IGF2BP3: variants seen among roughly 807,000 people sequenced by gnomAD.
IGF2BP3 encodes the protein insulin like growth factor 2 mRNA binding protein 3.
In IGF2BP3, 9 loss-of-function variants were observed where a neutral mutation model predicts 73.8. The observed-to-expected ratio is 0.12, with a 90% CI of 0.07 to 0.21. IGF2BP3 has a LOEUF of 0.21. Ranked by LOEUF, IGF2BP3 falls within the 10% of genes least tolerant of loss-of-function variation. IGF2BP3 has a pLI of 1.00. For synonymous variants in IGF2BP3, 258 were observed against 256.7 expected, an observed-to-expected ratio of 1.01 and a Z score of -0.05; for missense variants, 542 against 714.0, an observed-to-expected ratio of 0.76 and a Z score of 2.75.
At chr7:23,436,801 G>C (rs1165237866) in intron 2 of IGF2BP3, among the ~76,000 whole-genome samples, 1 of 152,182 alleles carries the variant, frequency 6.6e-6, no homozygotes, top group Non-Finnish European at 1.5e-5. Flanking sequence ...TTTTGCTGCA[G>C]TAACTATAGT....
At chr7:23,401,466 T>C (rs1437039403) in intron 3 of IGF2BP3, among the ~76,000 whole-genome samples, 1 of 152,122 alleles carries the variant, frequency 6.6e-6, no homozygotes, top group East Asian at 1.9e-4. Context: ...AAATTAAGAT[T>C]TGAAAAGTCA....
At chr7:23,362,652 T>C (rs1785261124) in intron 3 of IGF2BP3, 1 of 152,192 alleles carries the variant, frequency 6.6e-6, no homozygotes, top group Non-Finnish European at 1.5e-5. Context: ...TAAACCAAAT[T>C]CAGGTGTCCT....
At chr7:23,320,952 A>G (rs1172692142) in intron 10 of IGF2BP3, among the ~76,000 whole-genome samples, 1 of 57,026 alleles carries the variant, frequency 1.8e-5, no homozygotes, top group Non-Finnish European at 5.8e-5. Flanking sequence ...TGTCTCAAAA[A>G]AAAAAAAAAA....
chr7:23,314,308 G>A (rs1783916273), intron 12 of IGF2BP3, among the ~76,000 whole-genome samples: 1 of 151,562 alleles, frequency 6.6e-6, no homozygotes, highest in Non-Finnish European at 1.5e-5. Flanking sequence ...TCAGCCTCCT[G>A]AGTAGCTGGG....
intron 3 of IGF2BP3, among the ~76,000 whole-genome samples, chr7:23,401,844 A>G (rs1786675801): frequency 6.6e-6 from 1 of 152,062 alleles, no homozygotes; most frequent in African/African-American, 2.4e-5. Context: ...TGAAACCTGT[A>G]AAGCCTGTAA....
At position 23,316,296 on chromosome 7, in the gene IGF2BP3, A is replaced by AT. The variant is rs548906149; in HGVS notation, c.1395+1342dup. On this transcript the variant is annotated intron_variant, in intron 12 of 14. Coordinates refer to ENST00000258729, the MANE Select transcript of IGF2BP3 (RefSeq NM_006547.3). The stretch of plus-strand genomic sequence containing the variant: ...GAGAAAATAGAAGTCAAAGAAAGTG[A>AT]TTTTTTTTGTTTGATTTAAGGGAGA... 3.2e-4 allele frequency among the ~76,000 whole-genome samples: 48 copies of AT among 152,124 alleles called. No homozygotes were observed. The South Asian group carries it at 6.6e-3, about 21-fold the overall frequency.
At chr7:23,466,024 G>GTT (rs71552233) in intron 2 of IGF2BP3, among the ~76,000 whole-genome samples, 12,173 of 142,470 alleles carry the variant, frequency 0.085, 670 homozygotes, top group South Asian at 0.13. Flanking sequence ...GAGAAAAAAG[G>GTT]TTTTTTTTTT....
chr7:23,408,286 C>T (rs1231723530), intron 3 of IGF2BP3, among the ~76,000 whole-genome samples: 2 of 151,854 alleles, frequency 1.3e-5, no homozygotes, highest in Non-Finnish European at 2.9e-5. Flanking sequence ...AAAACTATGC[C>T]CATTTGAATA....
At chr7:23,368,054 C>A (rs1173719665) in intron 3 of IGF2BP3, among the ~76,000 whole-genome samples, 1 of 151,496 alleles carries the variant, frequency 6.6e-6, no homozygotes, top group African/African-American at 2.4e-5. Flanking sequence ...ATAAACAGTA[C>A]AGAAAGAATC....
At chr7:23,431,190 G>C (rs1787666326) in intron 2 of IGF2BP3, 1 of 152,178 alleles carries the variant, frequency 6.6e-6, no homozygotes, top group Non-Finnish European at 1.5e-5. Flanking sequence ...CTGGCTGGTA[G>C]AATCATCTGC....
intron 2 of IGF2BP3, among the ~76,000 whole-genome samples, chr7:23,451,395 C>G (rs1045780556): frequency 6.6e-6 from 1 of 151,940 alleles, no homozygotes; most frequent in African/African-American, 2.4e-5. Context: ...CCAGCCTGGG[C>G]AACAGAGCAA....
At chr7:23,450,070 T>C (rs1788161787) in intron 2 of IGF2BP3, among the ~76,000 whole-genome samples, 3 of 152,226 alleles carry the variant, frequency 2.0e-5, no homozygotes, top group Admixed American at 2.0e-4. Context: ...GTCCTTAGCA[T>C]GAAGCAATGC....
At chr7:23,352,278 A>ATTTTTTTTTT (rs70966011) in intron 5 of IGF2BP3, among the ~76,000 whole-genome samples, 2 of 73,774 alleles carry the variant, frequency 2.7e-5, no homozygotes, top group African/African-American at 5.1e-5. Context: ...TCTCTTTTTC[A>ATTTTTTTTTT]TTTTTTTTTT....
Position 23,312,472 on chromosome 7 carries a change from CAG to C in IGF2BP3, c.1642-14_1642-13del. The C allele has an allele frequency of 1.9e-6, 3 of 1,583,248 alleles. No individual in the cohort carries two copies. Among genetic ancestry groups the C allele is most frequent in the Non-Finnish European group, 2.6e-6 (3 of 1,151,900 alleles). ...TTTCTCTGGGCAACCTAGAAAAGGACAGAGCTTTGAAATTCCACTTGATCAAA... is the reference window on the plus strand; with the variant it reads ...TTTCTCTGGGCAACCTAGAAAAGGACAGCTTTGAAATTCCACTTGATCAAA... On this transcript the variant is annotated splice_polypyrimidine_tract_variant and intron_variant, in intron 14 of 14. Transcript: ENST00000258729.
chr7:23,428,146 C>T (rs927433525), intron 2 of IGF2BP3, among the ~76,000 whole-genome samples: 5 of 150,888 alleles, frequency 3.3e-5, no homozygotes, highest in African/African-American at 9.7e-5. Context: ...ACTGCACTCC[C>T]GCCTTAAGAG....
chr7:23,341,974 T>C, intron 10 of IGF2BP3, 90 bp downstream of exon 10: 1 of 1,344,092 alleles, frequency 7.4e-7, no homozygotes, highest in Non-Finnish European at 9.9e-7. Context: ...GGAGAGCATA[T>C]GTTGGCATCT....
At chr7:23,434,032 T>C (rs1308294895) in intron 2 of IGF2BP3, among the ~76,000 whole-genome samples, 3 of 151,022 alleles carry the variant, frequency 2.0e-5, no homozygotes, top group Non-Finnish European at 4.4e-5. Context: ...GAGACAAGAT[T>C]GTGCCACTGC....
At chr7:23,374,028 G>C (rs933341602) in intron 3 of IGF2BP3, among the ~76,000 whole-genome samples, 2 of 152,186 alleles carry the variant, frequency 1.3e-5, no homozygotes, top group Non-Finnish European at 2.9e-5. Context: ...TGCTGGTATA[G>C]CCTGAGGAAC....
chr7:23,397,283 A>G (rs1786507025), intron 3 of IGF2BP3, among the ~76,000 whole-genome samples: 3 of 152,222 alleles, frequency 2.0e-5, no homozygotes, highest in African/African-American at 7.2e-5. Context: ...TGATAAATTC[A>G]AAAAGGCTTC....
Sources: allele counts gnomAD v4.1 joint callset (sites outside exome capture counted in the v4.1 genomes callset), GRCh38; gene constraint gnomAD v4.1.1; transcripts MANE v1.5; gene names NCBI Gene and HGNC (gene_info 2026-07-23, HGNC 2026-07-21).